Variants in ARSB observed in about 807,000 individuals in gnomAD.
ARSB encodes the protein arylsulfatase B.
Under a neutral mutation model 50.9 loss-of-function variants are expected in ARSB, and 41 were observed. That is an observed-to-expected ratio of 0.81 (90% confidence interval 0.63 to 1.04). The LOEUF (loss-of-function observed/expected upper bound fraction) is 1.04, where lower values mean the gene tolerates loss of function less well. Among genes scored for constraint, ARSB ranks in the 50% least tolerant of loss-of-function variants. The pLI, the probability that ARSB is intolerant of heterozygous loss-of-function variation, is 0.00. For synonymous variants in ARSB, 269 were observed against 284.8 expected (o/e 0.94, Z 0.56); for missense variants, 672 against 693.3 (o/e 0.97, Z 0.35).
intron 1 of ARSB, among the ~76,000 whole-genome samples, chr5:78,973,654 G>A (rs933349357): frequency 6.6e-6 from 1 of 152,130 alleles, no homozygotes. Context: ...CCCTTTCAGA[G>A]GTCCAGACAG....
At chr5:78,818,857 C>G (rs1744105188) in intron 6 of ARSB, among the ~76,000 whole-genome samples, 1 of 152,012 alleles carries the variant, frequency 6.6e-6, no homozygotes, top group Non-Finnish European at 1.5e-5. Context: ...TTGCTCAATC[C>G]TCTTTTTAGG....
chr5:78,909,824 G>A (rs1326630363), intron 4 of ARSB, among the ~76,000 whole-genome samples: 3 of 152,186 alleles, frequency 2.0e-5, no homozygotes, highest in Admixed American at 2.0e-4. Flanking sequence ...AAAGAGGAAG[G>A]CCTCTTGCAG....
intron 4 of ARSB, among the ~76,000 whole-genome samples, chr5:78,930,404 T>C (rs78587595): frequency 0.01 from 1,560 of 151,744 alleles, 42 homozygotes; most frequent in East Asian, 0.073. Flanking sequence ...AAGAAGATAT[T>C]GACAAGAAAG....
chr5:78,837,333 C>T (rs1276775580), intron 6 of ARSB, among the ~76,000 whole-genome samples: 1 of 152,110 alleles, frequency 6.6e-6, no homozygotes, highest in African/African-American at 2.4e-5. Context: ...GTTTTAAAGC[C>T]ATTCCTGCCT....
At chr5:78,974,931 C>T (rs546236985) in intron 1 of ARSB, among the ~76,000 whole-genome samples, 1 of 152,286 alleles carries the variant, frequency 6.6e-6, no homozygotes, top group Admixed American at 6.5e-5. Context: ...CTTTGTTTCT[C>T]CCCCTAAAGG....
chr5:78,787,136 A>ATC (rs756101821), intron 6 of ARSB, among the ~76,000 whole-genome samples: 29,204 of 148,128 alleles, frequency 0.2, 3,165 homozygotes, highest in Non-Finnish European at 0.25. Flanking sequence ...CTATCTATCT[A>ATC]TATAGATACA....
chr5:78,798,214 T>A (rs1235237745), intron 6 of ARSB, among the ~76,000 whole-genome samples: 2 of 152,118 alleles, frequency 1.3e-5, no homozygotes, highest in Non-Finnish European at 2.9e-5. Context: ...CATCCTCCAA[T>A]TAAAGTGACA....
intron 6 of ARSB, among the ~76,000 whole-genome samples, chr5:78,807,376 C>T (rs766998129): frequency 6.6e-6 from 1 of 152,192 alleles, no homozygotes; most frequent in African/African-American, 2.4e-5. Flanking sequence ...TTTTAAAATG[C>T]TCCCATTCTG....
chr5:78,787,134 CTATA>C (rs1554070219), intron 6 of ARSB, among the ~76,000 whole-genome samples: 1,678 of 150,200 alleles, frequency 0.011, 13 homozygotes, highest in Non-Finnish European at 0.013. Flanking sequence ...ATCTATCTAT[CTATA>C]TAGATACAGG....
chr5:78,801,459 G>T (rs1186461824), intron 6 of ARSB, among the ~76,000 whole-genome samples: 1 of 152,328 alleles, frequency 6.6e-6, no homozygotes, highest in East Asian at 1.9e-4. Flanking sequence ...ACACGTGAGA[G>T]ATGTTGCTTT....
intron 6 of ARSB, among the ~76,000 whole-genome samples, chr5:78,825,701 T>C (rs1055870438): frequency 3.3e-5 from 5 of 152,132 alleles, no homozygotes; most frequent in African/African-American, 7.2e-5. Flanking sequence ...TCTTTTATTA[T>C]TTTTTTCTTT....
At chr5:78,867,768 A>G (rs1425274658) in intron 5 of ARSB, among the ~76,000 whole-genome samples, 1 of 151,656 alleles carries the variant, frequency 6.6e-6, no homozygotes, top group African/African-American at 2.4e-5. Context: ...TCCTCCTCCA[A>G]AGGAACGCAG....
chr5:78,982,360 A>G (rs190636352), intron 1 of ARSB, among the ~76,000 whole-genome samples: 16 of 152,380 alleles, frequency 1.1e-4, no homozygotes, highest in Admixed American at 2.6e-4. Flanking sequence ...GAATATAGGC[A>G]ATTCCTAACT....
At chr5:78,894,725 C>T (rs1178086910) in intron 4 of ARSB, among the ~76,000 whole-genome samples, 2 of 152,180 alleles carry the variant, frequency 1.3e-5, no homozygotes, top group Non-Finnish European at 2.9e-5. Context: ...CATACTTAAT[C>T]AATAATAACA....
intron 6 of ARSB, among the ~76,000 whole-genome samples, chr5:78,828,852 C>CT (rs1744551517): frequency 6.6e-6 from 1 of 152,144 alleles, no homozygotes; most frequent in Non-Finnish European, 1.5e-5. Flanking sequence ...AATCAGCTGA[C>CT]TTTCAAATAG....
At chr5:78,814,074 G>A (rs1180961534) in intron 6 of ARSB, among the ~76,000 whole-genome samples, 1 of 151,280 alleles carries the variant, frequency 6.6e-6, no homozygotes, top group Non-Finnish European at 1.5e-5. Context: ...TATTGCAAAA[G>A]TTAATAGACT....
intron 5 of ARSB, 121 bp from the exon 6 acceptor site, chr5:78,839,547 TG>T (rs1745102280): frequency 1.1e-6 from 1 of 912,918 alleles, no homozygotes; most frequent in African/African-American, 1.7e-5. Flanking sequence ...AACTCTGTCA[TG>T]AATTTGGAGG....
chr5:78,929,475 C>T (rs1750213235), intron 4 of ARSB, among the ~76,000 whole-genome samples: 1 of 152,070 alleles, frequency 6.6e-6, no homozygotes, highest in Non-Finnish European at 1.5e-5. Flanking sequence ...GAGACCACTA[C>T]CATGATTCTA....
chr5:78,806,161 C>G (rs1283574545), intron 6 of ARSB, among the ~76,000 whole-genome samples: 2 of 152,190 alleles, frequency 1.3e-5, no homozygotes, highest in Non-Finnish European at 2.9e-5. Flanking sequence ...ACCTTCCTCT[C>G]TAACACCCTA....
Sources: gnomAD v4.1 joint callset for allele counts (sites outside exome capture counted in the v4.1 genomes callset) on GRCh38, gnomAD v4.1.1 for gene constraint, MANE v1.5 for transcripts, NCBI Gene and HGNC (gene_info 2026-07-23, HGNC 2026-07-21) for gene names.